The following MRPS27 variants were observed in gnomAD, a reference collection of about 807,000 sequenced individuals.
The protein encoded by MRPS27 is mitochondrial ribosomal protein S27, also known as small ribosomal subunit protein mS27.
MRPS27 carries 43 observed loss-of-function variants against 48.9 expected under a neutral mutation model. The observed-to-expected ratio is 0.88, with a 90% CI of 0.69 to 1.13. The LOEUF (loss-of-function observed/expected upper bound fraction) is 1.13, where lower values mean the gene tolerates loss of function less well. MRPS27 is among the 50% of genes most tolerant of loss of function. The pLI is 0.00. For synonymous variants in MRPS27, 188 were observed against 171.9 expected (o/e 1.09, Z -0.73); for missense variants, 467 against 476.3 (o/e 0.98, Z 0.18).
intron 4 of MRPS27, among the ~76,000 whole-genome samples, chr5:72,287,879 C>T (rs1406092914): frequency 6.6e-6 from 1 of 152,182 alleles, no homozygotes; most frequent in Non-Finnish European, 1.5e-5. Context: ...ATTTACTTAC[C>T]ATATGCTCCA....
intron 1 of MRPS27, chr5:72,314,541 C>T (rs947719716): frequency 5.8e-6 from 1 of 173,892 alleles, no homozygotes; most frequent in African/African-American, 2.4e-5. Flanking sequence ...TAGTTCCCTG[C>T]TCCTGGAACG....
At chr5:72,274,729 CTT>C (rs1207143425) in intron 4 of MRPS27, among the ~76,000 whole-genome samples, 2 of 152,138 alleles carry the variant, frequency 1.3e-5, no homozygotes, top group Non-Finnish European at 2.9e-5. Context: ...GAGTAGGACT[CTT>C]TACATGAGCA....
In MRPS27 at chr5:72,238,123, C is replaced by T. The variant is rs1286665012; in HGVS notation, c.287G>A (p.Arg96Gln). Residue 96 changes from arginine (R) to glutamine (Q), a missense_variant, in exon 5 of 11, where the codon CGA becomes CAA. Transcript: ENST00000261413. ...DHAEYYLYKFRHSPNCWYLRN... is the reference protein window; with the variant it reads ...DHAEYYLYKFQHSPNCWYLRN... ...CAGGTACCAGCAGTTGGGGCTGTGT[C>T]GAAACCTAAATAAGCACAAGAAGAG... 6 of 1,611,670 alleles carry T rather than the reference C, an allele frequency of 3.7e-6. No individual in the cohort carries two copies. The highest frequency in any genetic ancestry group is 2.2e-5 in the East Asian group (1 of 44,832).
chr5:72,319,548 T>G (rs1297594273), intron 1 of MRPS27, among the ~76,000 whole-genome samples: 1 of 144,854 alleles, frequency 6.9e-6, no homozygotes, highest in African/African-American at 2.6e-5. Flanking sequence ...TTTTTTTTTT[T>G]TTTTTTTTTT....
intron 4 of MRPS27, among the ~76,000 whole-genome samples, chr5:72,270,901 T>C (rs1749224185): frequency 6.6e-6 from 1 of 152,200 alleles, no homozygotes. Flanking sequence ...TGTAATTGTC[T>C]ATATTTGTAG....
chr5:72,241,040 T>C (rs1748337276), intron 4 of MRPS27, among the ~76,000 whole-genome samples: 1 of 152,230 alleles, frequency 6.6e-6, no homozygotes, highest in South Asian at 2.1e-4. Flanking sequence ...TCTTTTTTAT[T>C]GTATATACAT....
intron 4 of MRPS27, among the ~76,000 whole-genome samples, chr5:72,246,571 T>C (rs1006989583): frequency 1.3e-5 from 2 of 152,144 alleles, no homozygotes; most frequent in African/African-American, 4.8e-5. Context: ...GGAAGAGGCT[T>C]TGAAAGCAAC....
intron 4 of MRPS27, among the ~76,000 whole-genome samples, chr5:72,287,036 G>A (rs534093584): frequency 6.6e-6 from 1 of 152,248 alleles, no homozygotes; most frequent in East Asian, 1.9e-4. Flanking sequence ...CGGTGGGTGG[G>A]TGAGCATTAC....
rs1236852866 is a variant in MRPS27 at position 72,220,974 on chromosome 5, G to A, written c.1180C>T (p.Gln394Ter). ...LDLVQLIQRE[Q>*]QQREQAKQEY... ...TGCTTCGCTTGCTCCCTCTGTTGCT[G>A]TTCTCTCTGGATCAACTGTACAAGG... The change falls in exon 11 of 11, where the codon CAG becomes TAG. Residue 394 changes from glutamine to a stop codon, truncating the protein, a stop_gained. Transcript: ENST00000261413. LOFTEE classifies it high-confidence loss of function. 6.2e-7 allele frequency: 1 copy of A among 1,614,150 alleles called. No individual in the cohort carries two copies. The highest frequency in any genetic ancestry group is 1.1e-5 in the South Asian group (1 of 91,080).
intron 4 of MRPS27, among the ~76,000 whole-genome samples, chr5:72,274,818 A>G (rs1749332992): frequency 1.3e-5 from 2 of 152,214 alleles, no homozygotes; most frequent in African/African-American, 4.8e-5. Flanking sequence ...TCATTAAGTA[A>G]TAGGAATTTT....
At chr5:72,281,126 C>T (rs1209318359) in intron 4 of MRPS27, among the ~76,000 whole-genome samples, 6 of 152,186 alleles carry the variant, frequency 3.9e-5, no homozygotes, top group Non-Finnish European at 8.8e-5. Context: ...AAATCAAATA[C>T]ATTTTCCCAT....
At chr5:72,236,418 G>C (rs995621779) in intron 5 of MRPS27, among the ~76,000 whole-genome samples, 17 of 152,118 alleles carry the variant, frequency 1.1e-4, no homozygotes, top group Non-Finnish European at 2.9e-5. Flanking sequence ...GCTACAGCCT[G>C]GATCTTCTGA....
chr5:72,316,535 T>G lies in MRPS27; in HGVS notation c.74-2377A>C, dbSNP rs150925849. Among the ~76,000 whole-genome samples the G allele has an allele frequency of 3.7e-3, 566 of 151,834 alleles. 1 individual carries two copies. The highest frequency in any genetic ancestry group is 0.013 in the African/African-American group (550 of 41,404). Reference sequence around the variant, plus strand: ...GGCGCCTGCCACCATGCTTGGATAATTTTTTGTATTTTTAGTAGAGACGGG... The same window carrying G: ...GGCGCCTGCCACCATGCTTGGATAAGTTTTTGTATTTTTAGTAGAGACGGG... On this transcript the variant is annotated intron_variant, in intron 1 of 10. Transcript: ENST00000261413.
At chr5:72,303,419 T>G (rs530174193) in intron 2 of MRPS27, among the ~76,000 whole-genome samples, 5 of 152,104 alleles carry the variant, frequency 3.3e-5, no homozygotes, top group African/African-American at 1.2e-4. Flanking sequence ...AAATGAGAAC[T>G]GTAAAAGAGC....
At chr5:72,231,127 G>A (rs371782960) in intron 7 of MRPS27, among the ~76,000 whole-genome samples, 14 of 152,082 alleles carry the variant, frequency 9.2e-5, no homozygotes, top group South Asian at 8.3e-4. Context: ...TTTTTAGAAC[G>A]AACACAAAAT....
intron 8 of MRPS27, 93 bp downstream of exon 8, chr5:72,228,173 A>T: frequency 8.7e-7 from 1 of 1,154,960 alleles, no homozygotes; most frequent in East Asian, 2.4e-5. Flanking sequence ...TTTCACTGGT[A>T]AATTTAAATC....
rs1320064278 is a variant in MRPS27 at position 72,223,721 on chromosome 5, C to A, written c.967G>T (p.Glu323Ter). 1.2e-6 allele frequency: 2 copies of A among 1,613,902 alleles called. No individual in the cohort carries two copies. The highest frequency in any genetic ancestry group is 1.7e-6 in the Non-Finnish European group (2 of 1,179,930). Residue 323 changes from glutamate to a stop codon, truncating the protein, a stop_gained, in exon 10 of 11, where the codon GAG becomes TAG. Transcript: ENST00000261413. LOFTEE classifies it low-confidence loss of function (END_TRUNC). ...AGGTATTGAGGAAGCTTGGACTGCT[C>A]TGTTTCCTCGATGTCTAACTGCTCC... ...LVEQLDIEET[E>*]QSKLPQYLER...
chr5:72,289,049 T>C (rs1050767477), intron 4 of MRPS27, among the ~76,000 whole-genome samples: 1 of 152,226 alleles, frequency 6.6e-6, no homozygotes, highest in Non-Finnish European at 1.5e-5. Context: ...GTCCTTCCTT[T>C]TTAGGCTGGC....
intron 4 of MRPS27, among the ~76,000 whole-genome samples, chr5:72,259,284 C>G (rs1326104917): frequency 6.6e-6 from 1 of 152,060 alleles, no homozygotes; most frequent in East Asian, 1.9e-4. Flanking sequence ...GCCTGACCAA[C>G]ATGGTGAAAC....
Sources: gnomAD v4.1 joint callset for allele counts (sites outside exome capture counted in the v4.1 genomes callset) on GRCh38, gnomAD v4.1.1 for gene constraint, MANE v1.5 for transcripts, NCBI Gene and HGNC (gene_info 2026-07-23, HGNC 2026-07-21) for gene names.